PLD1: variants seen among roughly 807,000 people sequenced by gnomAD.
PLD1 encodes the protein choline phosphatase 1.
A neutral mutation model predicts 137.1 loss-of-function variants in PLD1; 112 were observed. The ratio of observed to expected loss-of-function variants is 0.82; its 90% confidence interval spans 0.70 to 0.96. PLD1 has a LOEUF of 0.96. Ranked by LOEUF, PLD1 falls within the 40% of genes least tolerant of loss-of-function variation. The probability of loss-of-function intolerance (pLI) is 0.00; values close to 1 mark genes in which losing one functional copy is unlikely to be tolerated. For synonymous variants in PLD1, 431 were observed against 454.7 expected (o/e 0.95, Z 0.66); for missense variants, 1,321 against 1,342.0 (o/e 0.98, Z 0.24).
chr3:171,795,450 G>A lies in PLD1; in HGVS notation c.-32+14949C>T, dbSNP rs114067517. On this transcript the variant is annotated intron_variant, in intron 1 of 26. Transcript: ENST00000351298. ...CCTATAGCAATGATGCTCCAATATTGGTTCCTTGTATTACCATTGCCTCCT... is the reference window on the plus strand; with the variant it reads ...CCTATAGCAATGATGCTCCAATATTAGTTCCTTGTATTACCATTGCCTCCT... Among the ~76,000 whole-genome samples the A allele has an allele frequency of 6.4e-3, 968 of 152,236 alleles. 10 individuals carry two copies. The highest frequency in any genetic ancestry group is 0.019 in the African/African-American group (798 of 41,536).
At chr3:171,611,892 C>A (rs1732687301) in intron 25 of PLD1, among the ~76,000 whole-genome samples, 1 of 152,042 alleles carries the variant, frequency 6.6e-6, no homozygotes, top group African/African-American at 2.4e-5. Flanking sequence ...CCAGCCTGGG[C>A]AGCACAGCGA....
In PLD1 at chr3:171,679,694, T is replaced by G. The variant is rs866510777; in HGVS notation, c.1868-2000A>C. 6.6e-5 allele frequency among the ~76,000 whole-genome samples: 10 copies of G among 152,374 alleles called. No homozygotes were observed. The South Asian group carries it at 1.9e-3, about 28-fold the overall frequency. ...GGAAATTCTTAGTCTCAGGAAATTA[T>G]CTTGGTACTAATTGAATTCAACCTG... is the stretch of plus-strand genomic sequence containing the variant. On this transcript the variant is annotated intron_variant, in intron 16 of 26. Coordinates refer to ENST00000351298, the MANE Select transcript of PLD1 (RefSeq NM_002662.5).
intron 25 of PLD1, among the ~76,000 whole-genome samples, chr3:171,610,930 A>T (rs925733287): frequency 6.6e-6 from 1 of 152,226 alleles, no homozygotes; most frequent in Non-Finnish European, 1.5e-5. Flanking sequence ...ATGTCTCTAC[A>T]ACTGAGGCTT....
At chr3:171,742,862 T>A (rs572313513) in intron 1 of PLD1, among the ~76,000 whole-genome samples, 96 of 152,346 alleles carry the variant, frequency 6.3e-4, no homozygotes, top group Middle Eastern at 3.4e-3. Context: ...TAAATGATAT[T>A]AACATATTTT....
chr3:171,609,771 G>A (rs1683774253), intron 25 of PLD1, among the ~76,000 whole-genome samples: 2 of 152,242 alleles, frequency 1.3e-5, no homozygotes, highest in Admixed American at 1.3e-4. Context: ...GAGGTGGAGT[G>A]AAGGATGAGA....
At chr3:171,747,524 T>C (rs557856072) in intron 1 of PLD1, among the ~76,000 whole-genome samples, 2 of 151,912 alleles carry the variant, frequency 1.3e-5, no homozygotes, top group South Asian at 4.2e-4. Flanking sequence ...AACCCTACTA[T>C]GCAACCTTAG....
At chr3:171,680,398 C>T (rs145979823) in intron 16 of PLD1, among the ~76,000 whole-genome samples, 39 of 152,028 alleles carry the variant, frequency 2.6e-4, no homozygotes, top group Non-Finnish European at 5.3e-4. Context: ...CCATGCCCTG[C>T]TAATTTTTGT....
Position 171,603,218 on chromosome 3 carries a change from C to T in PLD1, c.3085G>A (p.Asp1029Asn). ...AGTTCCTCCTCAGCTCGAATGGGAT[C>T]TTCCTTAGCTAATACGGGCTTGTTT... is the stretch of plus-strand genomic sequence containing the variant. ...FINKPVLAKE[D>N]PIRAEEELKK... is the part of the protein sequence containing the mutation. Residue 1029 changes from aspartate to asparagine, a missense_variant, in exon 27 of 27, where the codon GAT becomes AAT. Transcript: ENST00000351298. 1 of 1,614,068 alleles carries T rather than the reference C, an allele frequency of 6.2e-7. No homozygotes were observed. Among genetic ancestry groups the T allele is most frequent in the Non-Finnish European group, 8.5e-7 (1 of 1,179,930 alleles).
chr3:171,653,915 G>C, intron 21 of PLD1: 1 of 226,810 alleles, frequency 4.4e-6, no homozygotes, highest in East Asian at 1.7e-4. Context: ...CATACCTGTG[G>C]ATAACAGAGC....
chr3:171,695,835 A>T (rs1181459181), intron 12 of PLD1, among the ~76,000 whole-genome samples: 1 of 150,842 alleles, frequency 6.6e-6, no homozygotes, highest in Non-Finnish European at 1.5e-5. Context: ...GATGTAAAGT[A>T]AAGGATATAA....
chr3:171,633,723 G>A (rs933816552), intron 23 of PLD1, among the ~76,000 whole-genome samples: 14 of 152,108 alleles, frequency 9.2e-5, no homozygotes, highest in East Asian at 3.8e-4. Flanking sequence ...ACAGGCTTTC[G>A]TTCCTTGTAG....
rs1344364794 is a variant in PLD1, at chr3:171,665,729, A to G, written c.2230-3559T>C. ...AGAAAAAAAAAAAAGACCATTTTATATATCAGCCTGTGGGAGAGCATAATA... is the reference window on the plus strand; with the variant it reads ...AGAAAAAAAAAAAAGACCATTTTATGTATCAGCCTGTGGGAGAGCATAATA... On this transcript the variant is annotated intron_variant, in intron 19 of 26. Transcript: ENST00000351298. Among the ~76,000 whole-genome samples, 12 of 152,032 alleles carry G rather than the reference A, an allele frequency of 7.9e-5. No homozygotes were observed. In the South Asian group the frequency reaches 2.5e-3, roughly 32 times the overall value.
intron 8 of PLD1, 83 bp downstream of exon 8, chr3:171,724,613 A>T (rs1291137898): frequency 3.8e-6 from 3 of 784,014 alleles, no homozygotes; most frequent in Non-Finnish European, 6.7e-6. Context: ...TAAAGGATTT[A>T]TAATTTAAAA....
At chr3:171,738,889 A>G (rs548814679) in intron 1 of PLD1, among the ~76,000 whole-genome samples, 3 of 152,230 alleles carry the variant, frequency 2.0e-5, no homozygotes, top group Non-Finnish European at 4.4e-5. Context: ...GCACACTGTC[A>G]TCAGAGTTGG....
intron 16 of PLD1, among the ~76,000 whole-genome samples, chr3:171,679,112 C>G (rs1713692051): frequency 6.6e-6 from 1 of 152,234 alleles, no homozygotes; most frequent in Non-Finnish European, 1.5e-5. Context: ...CAATGCCTCA[C>G]CAGTCTATAA....
intron 1 of PLD1, among the ~76,000 whole-genome samples, chr3:171,740,764 T>C (rs1719722056): frequency 6.6e-6 from 1 of 152,208 alleles, no homozygotes. Flanking sequence ...CATCTTATCA[T>C]TTATCAAGTG....
intron 23 of PLD1, among the ~76,000 whole-genome samples, chr3:171,635,160 T>C (rs569395310): frequency 1.3e-5 from 2 of 152,328 alleles, no homozygotes; most frequent in African/African-American, 2.4e-5. Context: ...ATTTTGTTTA[T>C]ACATTCATCA....
At chr3:171,629,128 A>C (rs982962586) in intron 23 of PLD1, among the ~76,000 whole-genome samples, 1 of 150,602 alleles carries the variant, frequency 6.6e-6, no homozygotes, top group African/African-American at 2.4e-5. Flanking sequence ...GTCTCAGCCC[A>C]AAATCTCCTT....
At chr3:171,657,618 AACTC>A (rs1404248654) in intron 21 of PLD1, among the ~76,000 whole-genome samples, 1 of 152,178 alleles carries the variant, frequency 6.6e-6, no homozygotes, top group Non-Finnish European at 1.5e-5. Context: ...TTGGGCCCCT[AACTC>A]ACCCCATATA....
Sources: allele counts gnomAD v4.1 joint callset (sites outside exome capture counted in the v4.1 genomes callset), GRCh38; gene constraint gnomAD v4.1.1; transcripts MANE v1.5; gene names NCBI Gene and HGNC (gene_info 2026-07-23, HGNC 2026-07-21).